The following ANK2 variants were observed in gnomAD, a reference collection of about 807,000 sequenced individuals.
ANK2 encodes the protein ankyrin-2.
In ANK2, 83 loss-of-function variants were observed where a neutral mutation model predicts 360.5. The observed-to-expected ratio is 0.23, with a 90% CI of 0.19 to 0.28. ANK2 has a LOEUF of 0.28. ANK2 is among the 10% of genes least tolerant of loss of function. The pLI is 1.00. For missense variants in ANK2, 4,201 were observed against 4,795.7 expected (o/e 0.88, Z 3.66); for synonymous variants, 1,740 against 1,759.5 (o/e 0.99, Z 0.28).
intron 1 of ANK2, among the ~76,000 whole-genome samples, chr4:113,091,504 T>G (rs952418964): frequency 6.6e-6 from 1 of 152,222 alleles, no homozygotes; most frequent in African/African-American, 2.4e-5. Context: ...ATTAGAAATT[T>G]TAATGTTGAT....
intron 1 of ANK2, among the ~76,000 whole-genome samples, chr4:113,133,117 T>C (rs776854352): frequency 6.6e-6 from 1 of 152,198 alleles, no homozygotes; most frequent in Non-Finnish European, 1.5e-5. Flanking sequence ...TTTCTAGATA[T>C]AGTTGAAAGT....
At chr4:112,936,774 A>G (rs2093763991) in intron 2 of ANK2, among the ~76,000 whole-genome samples, 1 of 151,962 alleles carries the variant, frequency 6.6e-6, no homozygotes, top group African/African-American at 2.4e-5. Flanking sequence ...AATAAAGTTT[A>G]TTTATAATTT....
At chr4:112,788,258 G>A in the ANK2 span, 15 of 1,586,594 alleles carry the variant, frequency 9.5e-6, no homozygotes, top group African/African-American at 2.7e-5. Flanking sequence ...TTTGTCTTCC[G>A]AGTTCACCTG....
chr4:112,842,936 AG>A (rs1460742760), intron 1 of ANK2, among the ~76,000 whole-genome samples: 2 of 152,234 alleles, frequency 1.3e-5, no homozygotes, highest in Non-Finnish European at 2.9e-5. Flanking sequence ...TGAAGGCTCT[AG>A]GGAGAATCTG....
chr4:113,372,592 T>G, intron 43 of ANK2: 6 of 1,535,954 alleles, frequency 3.9e-6, no homozygotes, highest in Non-Finnish European at 5.2e-6. Flanking sequence ...CGATGGTAAC[T>G]ACCAGGGTTG....
intron 4 of ANK2, among the ~76,000 whole-genome samples, chr4:113,209,931 C>T (rs2153449010): frequency 6.6e-6 from 1 of 152,256 alleles, no homozygotes; most frequent in East Asian, 1.9e-4. Context: ...GAATGTTGGC[C>T]AGAGTTCAGT....
intron 2 of ANK2, among the ~76,000 whole-genome samples, chr4:112,982,110 T>C (rs1428656010): frequency 6.6e-6 from 1 of 152,234 alleles, no homozygotes; most frequent in African/African-American, 2.4e-5. Flanking sequence ...TTTCTCAGTG[T>C]GTTCTGCGAA....
intron 4 of ANK2, among the ~76,000 whole-genome samples, chr4:113,229,762 A>G (rs1379105881): frequency 3.3e-5 from 5 of 152,178 alleles, no homozygotes; most frequent in Admixed American, 3.3e-4. Context: ...TCTAAAGCTC[A>G]GGACCCAGGG....
chr4:113,073,452 A>G (rs1167128921), intron 1 of ANK2, among the ~76,000 whole-genome samples: 1 of 152,206 alleles, frequency 6.6e-6, no homozygotes, highest in African/African-American at 2.4e-5. Flanking sequence ...GCCAGGAGAA[A>G]TCAATCTACC....
chr4:112,992,222 C>T (rs1285132900), intron 2 of ANK2, among the ~76,000 whole-genome samples: 2 of 151,880 alleles, frequency 1.3e-5, no homozygotes, highest in Non-Finnish European at 2.9e-5. Flanking sequence ...CAGCTCACTG[C>T]AACCTCCGCC....
At chr4:112,883,892 G>A (rs1580462996) in intron 1 of ANK2, among the ~76,000 whole-genome samples, 1 of 147,516 alleles carries the variant, frequency 6.8e-6, no homozygotes, top group Non-Finnish European at 1.5e-5. Flanking sequence ...ATATATATGT[G>A]TATATATATA....
At chr4:112,930,112 G>T (rs34881037) in intron 2 of ANK2, among the ~76,000 whole-genome samples, 29 of 151,848 alleles carry the variant, frequency 1.9e-4, no homozygotes, top group African/African-American at 7.0e-4. Flanking sequence ...AGAAATGAAA[G>T]CTCCCTTTTT....
intron 1 of ANK2, among the ~76,000 whole-genome samples, chr4:112,819,290 G>T (rs989533298): frequency 3.9e-5 from 6 of 152,206 alleles, no homozygotes; most frequent in African/African-American, 1.4e-4. Context: ...CTAGGTCAAG[G>T]TGTATGGTGT....
At chr4:113,342,036 T>C (rs2153979773) in intron 33 of ANK2, 120 bp downstream of exon 33, 1 of 1,105,718 alleles carries the variant, frequency 9.0e-7, no homozygotes, top group Non-Finnish European at 1.3e-6. Context: ...CAAGTTCGCA[T>C]TTTGGTCAGT....
intron 1 of ANK2, among the ~76,000 whole-genome samples, chr4:112,836,990 G>C (rs1170210912): frequency 6.6e-6 from 1 of 152,210 alleles, no homozygotes; most frequent in Non-Finnish European, 1.5e-5. Context: ...GTAACAAGGA[G>C]CCAAATGTTA....
At chr4:112,710,054 A>G in the ANK2 span, among the ~76,000 whole-genome samples, 5 of 152,204 alleles carry the variant, frequency 3.3e-5, no homozygotes, top group Non-Finnish European at 7.3e-5. Context: ...TGAGCCAAGC[A>G]TGGTGCTGAG....
rs555470467 is a variant in ANK2 at position 113,283,086 on chromosome 4, G to T, written c.2079+214G>T. 7.9e-5 allele frequency among the ~76,000 whole-genome samples: 12 copies of T among 152,232 alleles called. No individual in the cohort carries two copies. The East Asian group carries it at 2.1e-3, about 27-fold the overall frequency. Reference sequence around the variant, plus strand: ...AGACTCTCTGTATGGCAACACTTTGGCTTCTTGACTTTTCTATGCAAGTCA... The same window carrying T: ...AGACTCTCTGTATGGCAACACTTTGTCTTCTTGACTTTTCTATGCAAGTCA... On this transcript the variant is annotated intron_variant, in intron 18 of 45. Transcript: ENST00000357077.
intron 1 of ANK2, among the ~76,000 whole-genome samples, chr4:112,872,857 GA>G (rs2073720331): frequency 6.6e-6 from 1 of 151,752 alleles, no homozygotes; most frequent in African/African-American, 2.4e-5. Flanking sequence ...TTCTTTCTGT[GA>G]AAAAAATTTT....
At chr4:112,974,381 C>T (rs970841321) in intron 2 of ANK2, among the ~76,000 whole-genome samples, 1 of 152,186 alleles carries the variant, frequency 6.6e-6, no homozygotes, top group Non-Finnish European at 1.5e-5. Flanking sequence ...ACTACAGCAT[C>T]AAATGCTAAC....
Sources: gnomAD v4.1 joint callset for allele counts (sites outside exome capture counted in the v4.1 genomes callset) on GRCh38, gnomAD v4.1.1 for gene constraint, MANE v1.5 for transcripts, NCBI Gene and HGNC (gene_info 2026-07-23, HGNC 2026-07-21) for gene names.